PCDH15: variants seen among roughly 807,000 people sequenced by gnomAD.
The protein encoded by PCDH15 is protocadherin-15.
PCDH15 carries 129 observed loss-of-function variants against 178.5 expected under a neutral mutation model. The ratio of observed to expected loss-of-function variants is 0.72; its 90% CI spans 0.63 to 0.84. The LOEUF (loss-of-function observed/expected upper bound fraction) is 0.84, where lower values mean the gene tolerates loss of function less well. Among genes scored for constraint, PCDH15 ranks in the 40% least tolerant of loss-of-function variants. PCDH15 has a pLI of 0.00. For missense variants in PCDH15, 2,230 were observed against 2,099.9 expected, an observed-to-expected ratio of 1.06 and a Z score of -1.21; for synonymous variants, 800 against 732.0, an observed-to-expected ratio of 1.09 and a Z score of -1.50.
intron 18 of PCDH15, among the ~76,000 whole-genome samples, chr10:54,032,622 GAA>G (rs2135433970): frequency 6.6e-6 from 1 of 152,080 alleles, no homozygotes; most frequent in African/African-American, 2.4e-5. Flanking sequence ...AGAAATATAA[GAA>G]AATAAGACAC....
At chr10:55,023,812 C>CAT (rs1318372177) in intron 2 of PCDH15, among the ~76,000 whole-genome samples, 18 of 150,546 alleles carry the variant, frequency 1.2e-4, no homozygotes, top group Non-Finnish European at 1.6e-4. Context: ...TATATTCTTT[C>CAT]ATATATATAT....
chr10:55,077,442 C>CCTTCCTTT (rs1554828787), intron 2 of PCDH15, among the ~76,000 whole-genome samples: 2 of 128,040 alleles, frequency 1.6e-5, no homozygotes, highest in Admixed American at 8.1e-5. Flanking sequence ...TTCCTTTCTT[C>CCTTCCTTT]CTTCCTTCCC....
rs1343527000 is a variant in PCDH15, at chr10:55,432,113, AC to A, written c.-156+195511del. Among the ~76,000 whole-genome samples, 503 of 142,786 alleles carry A rather than the reference AC, an allele frequency of 3.5e-3. 2 individuals carry two copies. Among genetic ancestry groups the A allele is most frequent in the African/African-American group, 0.013 (465 of 35,394 alleles). 93.7% of individuals were successfully genotyped at this position (142,786 alleles called of 152,430 possible). ...CACACACACACACACACACACACAC[AC>A]CACAAGTCTCTCCAATTATATGCTC... On this transcript the variant is annotated intron_variant, in intron 2 of 5. Transcript: ENST00000613346.
At chr10:55,192,182 A>C (rs552225810) in intron 1 of PCDH15, among the ~76,000 whole-genome samples, 58 of 152,016 alleles carry the variant, frequency 3.8e-4, no homozygotes, top group African/African-American at 1.3e-3. Context: ...ATCTAAGTTT[A>C]AGTGCCAATT....
At chr10:53,983,394 A>G (rs2090837258) in intron 21 of PCDH15, among the ~76,000 whole-genome samples, 2 of 150,302 alleles carry the variant, frequency 1.3e-5, no homozygotes, top group South Asian at 4.2e-4. Flanking sequence ...GGAACTCTTC[A>G]TGTAACCACT....
chr10:54,837,838 G>A (rs372395919), intron 3 of PCDH15, among the ~76,000 whole-genome samples: 9 of 152,006 alleles, frequency 5.9e-5, no homozygotes. Context: ...AAAGCAAGTC[G>A]ATACCCTGGC....
chr10:54,189,416 G>A, intron 11 of PCDH15: 1 of 1,444,544 alleles, frequency 6.9e-7, no homozygotes, highest in East Asian at 2.6e-5. Flanking sequence ...AATAAATATT[G>A]TAAATGTAAA....
At chr10:54,884,476 GATAGGTGT>G (rs1474974920) in intron 3 of PCDH15, among the ~76,000 whole-genome samples, 1 of 96,756 alleles carries the variant, frequency 1.0e-5, no homozygotes. Flanking sequence ...AGAATACTAA[GATAGGTGT>G]GTGTGTGTGT....
chr10:55,495,594 A>G (rs1202800893), intron 2 of PCDH15, among the ~76,000 whole-genome samples: 4 of 151,814 alleles, frequency 2.6e-5, no homozygotes, highest in African/African-American at 7.2e-5. Flanking sequence ...GCACATAATA[A>G]CTTGTGTGCT....
chr10:55,272,620 T>C (rs1842475560), intron 1 of PCDH15, among the ~76,000 whole-genome samples: 1 of 151,916 alleles, frequency 6.6e-6, no homozygotes, highest in Non-Finnish European at 1.5e-5. Context: ...TGATCTCAAG[T>C]AATCTGCCCG....
chr10:54,465,081 C>A (rs142275345), intron 3 of PCDH15, among the ~76,000 whole-genome samples: 13 of 152,168 alleles, frequency 8.5e-5, no homozygotes, highest in Admixed American at 2.0e-4. Flanking sequence ...TAAAGTTTCA[C>A]TTTTAATAAT....
At chr10:54,655,660 T>C (rs1250250122) in intron 2 of PCDH15, 1 of 152,056 alleles carries the variant, frequency 6.6e-6, no homozygotes, top group Non-Finnish European at 1.5e-5. Flanking sequence ...CTTAGAGAAG[T>C]CACAGAGTTT....
At chr10:54,205,294 TAA>T (rs1277289059) in intron 10 of PCDH15, among the ~76,000 whole-genome samples, 1 of 152,158 alleles carries the variant, frequency 6.6e-6, no homozygotes, top group Non-Finnish European at 1.5e-5. Context: ...GCCTTTTATG[TAA>T]GTCATTATCA....
intron 5 of PCDH15, among the ~76,000 whole-genome samples, chr10:54,356,177 A>T (rs577565067): frequency 1.3e-5 from 2 of 152,046 alleles, no homozygotes; most frequent in East Asian, 3.9e-4. Flanking sequence ...AAACAGATAC[A>T]TTGTGTGTCT....
intron 2 of PCDH15, among the ~76,000 whole-genome samples, chr10:55,471,135 T>C (rs1376362233): frequency 6.6e-6 from 1 of 152,164 alleles, no homozygotes; most frequent in Non-Finnish European, 1.5e-5. Context: ...TGTACTGATT[T>C]TAGTGTGAAT....
chr10:53,837,933 C>A (rs889079801), intron 29 of PCDH15, among the ~76,000 whole-genome samples: 2 of 150,538 alleles, frequency 1.3e-5, no homozygotes, highest in African/African-American at 2.4e-5. Context: ...GCTATTCTAT[C>A]TTTTCTTCAA....
chr10:54,322,982 T>G (rs964704273), intron 7 of PCDH15, among the ~76,000 whole-genome samples: 2 of 151,914 alleles, frequency 1.3e-5, no homozygotes, highest in African/African-American at 4.8e-5. Flanking sequence ...GGTCTAATAT[T>G]CAGAATCTAT....
intron 2 of PCDH15, among the ~76,000 whole-genome samples, chr10:55,100,267 A>C (rs2132045008): frequency 6.6e-6 from 1 of 152,250 alleles, no homozygotes; most frequent in Admixed American, 6.5e-5. Flanking sequence ...AGCTTTCAAA[A>C]AATTTAATAT....
intron 25 of PCDH15, among the ~76,000 whole-genome samples, chr10:53,927,583 C>T (rs1010842370): frequency 2.0e-5 from 3 of 151,994 alleles, no homozygotes; most frequent in African/African-American, 7.2e-5. Context: ...TGGAGTAGTA[C>T]AACAATAGAT....
Sources: gnomAD v4.1 joint callset for allele counts (sites outside exome capture counted in the v4.1 genomes callset) on GRCh38, gnomAD v4.1.1 for gene constraint, MANE v1.5 for transcripts, NCBI Gene and HGNC (gene_info 2026-07-23, HGNC 2026-07-21) for gene names.